RAB43: variants seen among roughly 807,000 people sequenced by gnomAD.
RAB43 encodes the protein ras-related protein Rab-43.
A neutral mutation model predicts 18.8 loss-of-function variants in RAB43; 6 were observed. The observed-to-expected ratio is 0.32, with a 90% CI of 0.17 to 0.63. RAB43 has a LOEUF of 0.63. Ranked by LOEUF, RAB43 falls within the 30% of genes least tolerant of loss-of-function variation. The pLI, the probability that RAB43 is intolerant of heterozygous loss-of-function variation, is 0.79. For synonymous variants in RAB43, 103 were observed against 124.1 expected (o/e 0.83, Z 1.13); for missense variants, 195 against 289.1 (o/e 0.67, Z 2.36).
chr3:129,117,771 A>G (rs1266476664), intron 1 of RAB43, among the ~76,000 whole-genome samples: 1 of 152,220 alleles, frequency 6.6e-6, no homozygotes, highest in Non-Finnish European at 1.5e-5. Flanking sequence ...GTGGTCAAGT[A>G]AAAATGAAGA....
At chr3:129,114,707 A>G (rs4293717) in intron 1 of RAB43, among the ~76,000 whole-genome samples, 141,061 of 152,178 alleles carry the variant, frequency 0.93, 65,768 homozygotes, top group East Asian at 0.99. Flanking sequence ...AACAACGAAC[A>G]AGAGGAAAGC....
chr3:129,101,697 T>C (rs563804732), intron 1 of RAB43, among the ~76,000 whole-genome samples: 1 of 152,218 alleles, frequency 6.6e-6, no homozygotes, highest in East Asian at 1.9e-4. Flanking sequence ...CAGATGGCCG[T>C]GAAGAAGGAA....
At chr3:129,109,110 T>A (rs962246645) in intron 1 of RAB43, among the ~76,000 whole-genome samples, 1 of 151,744 alleles carries the variant, frequency 6.6e-6, no homozygotes, top group Non-Finnish European at 1.5e-5. Context: ...TAAATTAATT[T>A]AAAAAATCAG....
intron 2 of RAB43, among the ~76,000 whole-genome samples, chr3:129,093,653 G>A (rs1460655768): frequency 1.3e-5 from 2 of 152,134 alleles, no homozygotes; most frequent in South Asian, 2.1e-4. Context: ...GGCTACGTGA[G>A]GAAAGCTCTG....
At chr3:129,098,552 G>A (rs1426902095) in intron 1 of RAB43, among the ~76,000 whole-genome samples, 4 of 152,078 alleles carry the variant, frequency 2.6e-5, no homozygotes, top group African/African-American at 9.7e-5. Context: ...CCACAGATAA[G>A]GGAAAAAGCA....
chr3:129,101,930 C>T (rs746875336), intron 1 of RAB43, among the ~76,000 whole-genome samples: 43 of 152,220 alleles, frequency 2.8e-4, no homozygotes, highest in Admixed American at 1.9e-3. Context: ...TTTGCACACA[C>T]ACAAAGGCCT....
chr3:129,114,678 A>G (rs998320238), intron 1 of RAB43, among the ~76,000 whole-genome samples: 1 of 152,204 alleles, frequency 6.6e-6, no homozygotes, highest in Non-Finnish European at 1.5e-5. Flanking sequence ...GTGCAAGGTA[A>G]AGAAACCTAC....
At chr3:129,091,778 A>C (rs1933676175) in intron 2 of RAB43, among the ~76,000 whole-genome samples, 1 of 151,616 alleles carries the variant, frequency 6.6e-6, no homozygotes, top group Non-Finnish European at 1.5e-5. Flanking sequence ...AAAAAAAAAG[A>C]GTCTGGGCCA....
At chr3:129,093,045 C>G (rs1315091960) in intron 2 of RAB43, among the ~76,000 whole-genome samples, 1 of 151,846 alleles carries the variant, frequency 6.6e-6, no homozygotes, top group African/African-American at 2.4e-5. Context: ...GGCTGGAGGA[C>G]AGTGGCACGA....
intron 2 of RAB43, among the ~76,000 whole-genome samples, chr3:129,091,904 T>TA (rs1026271421): frequency 3.2e-4 from 48 of 151,116 alleles, no homozygotes; most frequent in Non-Finnish European, 1.9e-4. Flanking sequence ...CGTCTCTACT[T>TA]AAAAAAAATA....
chr3:129,122,020 C>T (rs1410171181), upstream of RAB43: 1 of 154,648 alleles, frequency 6.5e-6, no homozygotes, highest in African/African-American at 2.6e-5. Context: ...TGCCCTCAGC[C>T]CGACCTCGAC....
chr3:129,090,219 G>A lies in RAB43; in HGVS notation c.*877C>T, dbSNP rs1326383204. The A allele has an allele frequency of 6.6e-6, 1 of 151,620 alleles. No individual in the cohort carries two copies. Among genetic ancestry groups the A allele is most frequent in the Non-Finnish European group, 1.5e-5 (1 of 67,966 alleles). The allele number at this position is 151,620 out of a possible 1,614,324, so 9.4% of individuals were successfully genotyped here. On this transcript the variant is annotated 3_prime_UTR_variant, in exon 3 of 3. Transcript: ENST00000315150. ...GGCAGGATTCCTGCTTGTGGGGTAAGGCTGGGTGCCTTGCGGTGCCCTCTC... is the reference window on the plus strand; with the variant it reads ...GGCAGGATTCCTGCTTGTGGGGTAAAGCTGGGTGCCTTGCGGTGCCCTCTC...
chr3:129,112,717 G>C (rs1348518148), intron 1 of RAB43, among the ~76,000 whole-genome samples: 1 of 151,590 alleles, frequency 6.6e-6, no homozygotes, highest in Admixed American at 6.6e-5. Flanking sequence ...TTGGACAGAA[G>C]AACTGCTAAC....
chr3:129,114,345 G>C (rs945006399), intron 1 of RAB43, among the ~76,000 whole-genome samples: 5 of 152,166 alleles, frequency 3.3e-5, no homozygotes, highest in African/African-American at 1.2e-4. Context: ...GGTAGTAGGA[G>C]AGGGCACAAG....
intron 1 of RAB43, among the ~76,000 whole-genome samples, chr3:129,115,595 G>A (rs143525065): frequency 1.5e-3 from 224 of 151,320 alleles, no homozygotes; most frequent in African/African-American, 5.0e-3. Context: ...CCAGGTGGGT[G>A]GATCACTTGA....
chr3:129,108,010 G>A (rs183778131), intron 1 of RAB43, among the ~76,000 whole-genome samples: 7 of 152,282 alleles, frequency 4.6e-5, no homozygotes, highest in East Asian at 1.9e-4. Flanking sequence ...GCTGGCCCTC[G>A]TATTTGCCAT....
At chr3:129,098,702 G>A (rs974176418) in intron 1 of RAB43, among the ~76,000 whole-genome samples, 1 of 152,194 alleles carries the variant, frequency 6.6e-6, no homozygotes, top group Non-Finnish European at 1.5e-5. Flanking sequence ...ATAATGAGTG[G>A]ACGAATAGGG....
At chr3:129,098,564 T>C (rs959964094) in intron 1 of RAB43, among the ~76,000 whole-genome samples, 24 of 152,010 alleles carry the variant, frequency 1.6e-4, no homozygotes, top group Non-Finnish European at 1.6e-4. Flanking sequence ...GAAAAAGCAA[T>C]CTATTGACAC....
At chr3:129,119,347 G>A (rs1262434423) in intron 1 of RAB43, among the ~76,000 whole-genome samples, 1 of 151,716 alleles carries the variant, frequency 6.6e-6, no homozygotes, top group East Asian at 1.9e-4. Flanking sequence ...GCAAAATGAG[G>A]TGGTAAACAA....
Sources: allele counts gnomAD v4.1 joint callset (sites outside exome capture counted in the v4.1 genomes callset), GRCh38; gene constraint gnomAD v4.1.1; transcripts MANE v1.5; gene names NCBI Gene and HGNC (gene_info 2026-07-23, HGNC 2026-07-21).